Variants in MYO16 observed in about 807,000 individuals in gnomAD.
The protein encoded by MYO16 is myosin XVI.
In MYO16, 94 loss-of-function variants were observed where a neutral mutation model predicts 205.3. The observed-to-expected ratio is 0.46, with a 90% CI of 0.39 to 0.54. The LOEUF (loss-of-function observed/expected upper bound fraction) is 0.54, where lower values mean the gene tolerates loss of function less well. MYO16 is among the 20% of genes least tolerant of loss of function. The pLI, the probability that MYO16 is intolerant of heterozygous loss-of-function variation, is 0.00. For synonymous variants in MYO16, 988 were observed against 954.0 expected (o/e 1.04, Z -0.66); for missense variants, 2,315 against 2,387.5 (o/e 0.97, Z 0.63).
At chr13:109,063,626 A>T (rs1423810734) in intron 27 of MYO16, among the ~76,000 whole-genome samples, 1 of 152,082 alleles carries the variant, frequency 6.6e-6, no homozygotes, top group South Asian at 2.1e-4. Flanking sequence ...TGAGAAATAG[A>T]TTTCTGTTTT....
intron 6 of MYO16, among the ~76,000 whole-genome samples, chr13:108,799,979 T>C (rs1420178883): frequency 1.3e-5 from 2 of 152,162 alleles, no homozygotes; most frequent in Non-Finnish European, 2.9e-5. Context: ...AATTTGAGTC[T>C]TTTTGTGAGA....
intron 4 of MYO16, among the ~76,000 whole-genome samples, chr13:108,782,211 C>A (rs747217187): frequency 1.1e-4 from 17 of 152,178 alleles, no homozygotes; most frequent in Non-Finnish European, 2.2e-4. Flanking sequence ...GTGATATGAA[C>A]AATAAGTTCC....
chr13:109,126,457 C>T (rs753684068), intron 30 of MYO16, among the ~76,000 whole-genome samples: 4 of 152,162 alleles, frequency 2.6e-5, no homozygotes, highest in Admixed American at 6.5e-5. Context: ...ATCTTGCTAG[C>T]ACATGATTAC....
chr13:108,952,790 A>C lies in MYO16; in HGVS notation c.1926-4898A>C, dbSNP rs550267050. On this transcript the variant is annotated intron_variant, in intron 16 of 34. Transcript: ENST00000457511. ...GATACTGCCAGTGTTCCAAGTTCCA[A>C]AGAGGATAAGAAAATAGGCTTAAGC... Among the ~76,000 whole-genome samples, 61 of 152,318 alleles carry C rather than the reference A, an allele frequency of 4.0e-4. 1 individual carries two copies. Among genetic ancestry groups the C allele is most frequent in the Admixed American group, 3.7e-3 (57 of 15,300 alleles).
chr13:108,935,023 A>ATGGGTTACTTTGG (rs1465329455), intron 16 of MYO16, among the ~76,000 whole-genome samples: 2 of 152,110 alleles, frequency 1.3e-5, no homozygotes, highest in Admixed American at 1.3e-4. Context: ...GGGTTACTCT[A>ATGGGTTACTTTGG]GCCTTAGAGT....
intron 11 of MYO16, among the ~76,000 whole-genome samples, chr13:108,860,029 A>T (rs1225436330): frequency 3.3e-5 from 5 of 150,094 alleles, no homozygotes; most frequent in Non-Finnish European, 7.4e-5. Flanking sequence ...TTTAACTTTT[A>T]TTTTAGGTTT....
chr13:109,123,427 C>T (rs188713725), intron 29 of MYO16, among the ~76,000 whole-genome samples: 15 of 152,188 alleles, frequency 9.9e-5, no homozygotes, highest in Non-Finnish European at 2.1e-4. Context: ...TTCACCCTTC[C>T]GAAAGCCAAT....
rs149969663 is a variant in MYO16 at position 109,084,388 on chromosome 13, G to A, written c.3336-16397G>A. 1.9e-4 allele frequency among the ~76,000 whole-genome samples: 29 copies of A among 152,240 alleles called. No individual in the cohort carries two copies. The Middle Eastern group carries it at 0.01, about 54-fold the overall frequency. On this transcript the variant is annotated intron_variant, in intron 27 of 34. Transcript: ENST00000457511. Reference sequence around the variant, plus strand: ...GATGATGACTTTGACCTCAGAGATGGTGACCAGGTGCCAATTAAAGTTACA... The same window carrying A: ...GATGATGACTTTGACCTCAGAGATGATGACCAGGTGCCAATTAAAGTTACA...
At chr13:108,655,826 A>G (rs1385925644) in intron 1 of MYO16, among the ~76,000 whole-genome samples, 2 of 152,150 alleles carry the variant, frequency 1.3e-5, no homozygotes, top group East Asian at 3.9e-4. Context: ...ACTGTATTTT[A>G]GACTTGCATG....
chr13:108,699,522 A>G (rs1357101255), intron 2 of MYO16, among the ~76,000 whole-genome samples: 4 of 152,220 alleles, frequency 2.6e-5, no homozygotes, highest in Admixed American at 6.5e-5. Flanking sequence ...GGAAGCATGT[A>G]TTTATATTGC....
chr13:108,667,922 C>G (rs1881813080), intron 2 of MYO16, among the ~76,000 whole-genome samples: 1 of 151,954 alleles, frequency 6.6e-6, no homozygotes, highest in Non-Finnish European at 1.5e-5. Context: ...GTGGTGCATG[C>G]CCAGCTACTC....
In MYO16 at chr13:108,710,279, T is replaced by C. The variant is rs1883669427; in HGVS notation, c.293-2382T>C. 2.0e-5 allele frequency among the ~76,000 whole-genome samples: 3 copies of C among 152,194 alleles called. No homozygotes were observed. The South Asian group carries it at 6.2e-4, about 32-fold the overall frequency. On this transcript the variant is annotated intron_variant, in intron 2 of 34. Transcript: ENST00000457511. Reference sequence around the variant, plus strand: ...CAGTAGATTGTATTTAAAGCAAAGGTAATAAAGATTCACTTTCTCCATGCT... The same window carrying C: ...CAGTAGATTGTATTTAAAGCAAAGGCAATAAAGATTCACTTTCTCCATGCT...
chr13:108,519,077 AAAG>A, the MYO16 span, among the ~76,000 whole-genome samples: 3 of 152,200 alleles, frequency 2.0e-5, no homozygotes, highest in Non-Finnish European at 4.4e-5. Flanking sequence ...ATAGAAAAAA[AAAG>A]AAATTGTATT....
chr13:108,897,968 A>G, intron 14 of MYO16, 48 bp from the exon 15 acceptor site: 1 of 1,415,748 alleles, frequency 7.1e-7, no homozygotes, highest in Admixed American at 1.7e-5. Flanking sequence ...CATCAATTTT[A>G]TTTCTTAAAA....
At chr13:108,747,625 G>A (rs756710059) in intron 4 of MYO16, among the ~76,000 whole-genome samples, 3 of 152,114 alleles carry the variant, frequency 2.0e-5, no homozygotes, top group East Asian at 1.9e-4. Flanking sequence ...AAATAGAAAC[G>A]AAGAGCAAAT....
chr13:109,185,693 C>A (rs1879657991), intron 34 of MYO16, among the ~76,000 whole-genome samples: 1 of 152,138 alleles, frequency 6.6e-6, no homozygotes. Flanking sequence ...TACTTTAGAG[C>A]TACATTTTTG....
intron 32 of MYO16, among the ~76,000 whole-genome samples, chr13:109,154,289 C>T (rs1044160116): frequency 1.3e-5 from 2 of 152,178 alleles, no homozygotes; most frequent in Non-Finnish European, 2.9e-5. Flanking sequence ...CCTGAGCTCT[C>T]AAGGTCCCCA....
chr13:108,800,970 A>G (rs958412882), intron 6 of MYO16, among the ~76,000 whole-genome samples: 52 of 152,176 alleles, frequency 3.4e-4, no homozygotes, highest in African/African-American at 1.1e-3. Flanking sequence ...ATGTAAAAAT[A>G]TGAAAAAAAC....
At chr13:108,690,862 A>G (rs1882868603) in intron 2 of MYO16, among the ~76,000 whole-genome samples, 2 of 152,340 alleles carry the variant, frequency 1.3e-5, no homozygotes, top group South Asian at 4.1e-4. Flanking sequence ...TCCAAAAGGT[A>G]TGAAATTTGT....
Sources: allele counts gnomAD v4.1 joint callset (sites outside exome capture counted in the v4.1 genomes callset), GRCh38; gene constraint gnomAD v4.1.1; transcripts MANE v1.5; gene names NCBI Gene and HGNC (gene_info 2026-07-23, HGNC 2026-07-21).